ANKRD29: variants seen among roughly 807,000 people sequenced by gnomAD.
ANKRD29 encodes the protein ankyrin repeat domain 29, also known as ankyrin repeat domain-containing protein 29.
A neutral mutation model predicts 38.0 loss-of-function variants in ANKRD29; 32 were observed. That is an observed-to-expected ratio of 0.84 (90% CI 0.64 to 1.13). The LOEUF (loss-of-function observed/expected upper bound fraction) is 1.13. ANKRD29 is among the 50% of genes most tolerant of loss of function. ANKRD29 has a pLI of 0.00. For synonymous variants in ANKRD29, 135 were observed against 152.4 expected (o/e 0.89, Z 0.84); for missense variants, 357 against 377.9 (o/e 0.94, Z 0.46).
chr18:23,661,869 G>A (rs1254923856), intron 1 of ANKRD29, among the ~76,000 whole-genome samples: 4 of 152,018 alleles, frequency 2.6e-5, no homozygotes, highest in African/African-American at 4.8e-5. Context: ...TGCACATCTC[G>A]CCATGTCACT....
At chr18:23,641,636 G>A (rs537017927) in intron 3 of ANKRD29, among the ~76,000 whole-genome samples, 3 of 152,366 alleles carry the variant, frequency 2.0e-5, no homozygotes, top group Admixed American at 6.5e-5. Flanking sequence ...TGGGTGCCGT[G>A]GATGGCATGT....
At chr18:23,613,293 C>T (rs1035315668) in intron 8 of ANKRD29, among the ~76,000 whole-genome samples, 1 of 151,750 alleles carries the variant, frequency 6.6e-6, no homozygotes, top group South Asian at 2.1e-4. Flanking sequence ...GTGCCTCAGC[C>T]TCCTGAGTAG....
chr18:23,644,628 C>G (rs1318361267), intron 3 of ANKRD29, among the ~76,000 whole-genome samples: 1 of 152,212 alleles, frequency 6.6e-6, no homozygotes, highest in Non-Finnish European at 1.5e-5. Flanking sequence ...GACCCAGTCC[C>G]AGATTCTGCA....
chr18:23,619,147 T>C (rs952949322), intron 7 of ANKRD29, among the ~76,000 whole-genome samples: 2 of 151,708 alleles, frequency 1.3e-5, no homozygotes, highest in African/African-American at 4.8e-5. Flanking sequence ...GTGCAAGGGG[T>C]CTGCAGCTCC....
At chr18:23,606,511 A>C (rs1421774355) in intron 9 of ANKRD29, among the ~76,000 whole-genome samples, 1 of 152,014 alleles carries the variant, frequency 6.6e-6, no homozygotes, top group Non-Finnish European at 1.5e-5. Context: ...GGGTCTTGCT[A>C]TATTGCCCAG....
chr18:23,604,885 G>A (rs548584432), intron 9 of ANKRD29, among the ~76,000 whole-genome samples: 4 of 152,074 alleles, frequency 2.6e-5, no homozygotes, highest in Non-Finnish European at 4.4e-5. Flanking sequence ...AGTGCTGTAG[G>A]CATGTTTTCC....
intron 1 of ANKRD29, among the ~76,000 whole-genome samples, chr18:23,657,334 A>G (rs1193340280): frequency 1.3e-5 from 2 of 152,344 alleles, no homozygotes; most frequent in East Asian, 3.9e-4. Flanking sequence ...TTCCACAGCG[A>G]ATGGAGCCCA....
At chr18:23,620,440 A>G (rs2059782529) in intron 6 of ANKRD29, among the ~76,000 whole-genome samples, 1 of 152,086 alleles carries the variant, frequency 6.6e-6, no homozygotes, top group South Asian at 2.1e-4. Context: ...TAAAACATGC[A>G]AGGGATGGGG....
At chr18:23,643,617 C>T (rs1441679378) in intron 3 of ANKRD29, among the ~76,000 whole-genome samples, 1 of 152,174 alleles carries the variant, frequency 6.6e-6, no homozygotes, top group East Asian at 1.9e-4. Flanking sequence ...AGGAGCTATA[C>T]CTTAGTCTGG....
Position 23,649,067 on chromosome 18 carries a change from TACCGAAC to T in ANKRD29, c.132+9_132+15del, listed in dbSNP as rs2060177297. 6.2e-7 allele frequency: 1 copy of T among 1,610,394 alleles called. No individual in the cohort carries two copies. ...CAATGGTGCATGCTGGGCATGCATC[TACCGAAC>T]CACCGTACGCTGTCTCTGCAGTCCA... On this transcript the variant is annotated intron_variant, in intron 2 of 9. Coordinates refer to ENST00000592179, the MANE Select transcript of ANKRD29 (RefSeq NM_173505.4).
In ANKRD29 at chr18:23,654,198, G is replaced by A. The variant is rs187986564; in HGVS notation, c.22-5005C>T. On this transcript the variant is annotated intron_variant, in intron 1 of 9. Coordinates refer to ENST00000592179, the MANE Select transcript of ANKRD29 (RefSeq NM_173505.4). ...GGAGAATTGCTTGAATCCGGGAGGC[G>A]GAGGTTGCAGTGAGCCAAGATCATG... 1.2e-3 allele frequency among the ~76,000 whole-genome samples: 181 copies of A among 151,844 alleles called. No homozygotes were observed. The East Asian group carries it at 0.012, about 10-fold the overall frequency.
At chr18:23,634,889 G>A (rs2145697517) in intron 4 of ANKRD29, among the ~76,000 whole-genome samples, 1 of 152,340 alleles carries the variant, frequency 6.6e-6, no homozygotes, top group African/African-American at 2.4e-5. Flanking sequence ...TCCCTGTGAT[G>A]TAACCCAGTG....
At chr18:23,612,959 T>C (rs1178126540) in intron 8 of ANKRD29, among the ~76,000 whole-genome samples, 1 of 152,122 alleles carries the variant, frequency 6.6e-6, no homozygotes, top group African/African-American at 2.4e-5. Flanking sequence ...AATGCAAACT[T>C]AGTTTCCTAA....
rs185103969 is a variant in ANKRD29 at position 23,616,884 on chromosome 18, C to T, written c.723+848G>A. 3.8e-3 allele frequency among the ~76,000 whole-genome samples: 573 copies of T among 150,916 alleles called. 6 individuals are homozygous for T. Among genetic ancestry groups the T allele is most frequent in the Non-Finnish European group, 5.6e-3 (381 of 67,806 alleles). Reference sequence around the variant, plus strand: ...ACTTTACAGAAAAAGTTTGCTGACTCCTGATATATAATATAGGTTAGAAAT... The same window carrying T: ...ACTTTACAGAAAAAGTTTGCTGACTTCTGATATATAATATAGGTTAGAAAT... On this transcript the variant is annotated intron_variant, in intron 8 of 9. Transcript: ENST00000592179.
intron 1 of ANKRD29, among the ~76,000 whole-genome samples, chr18:23,649,708 C>T (rs1390519108): frequency 1.3e-5 from 2 of 152,076 alleles, no homozygotes; most frequent in East Asian, 1.9e-4. Flanking sequence ...TTCACTTTTC[C>T]TCCACCTAAT....
intron 9 of ANKRD29, among the ~76,000 whole-genome samples, chr18:23,604,733 G>A (rs1274480177): frequency 6.6e-6 from 1 of 151,996 alleles, no homozygotes; most frequent in Non-Finnish European, 1.5e-5. Context: ...GTTTCACCAT[G>A]TTGGCCAGGA....
chr18:23,659,938 C>T (rs2060336410), intron 1 of ANKRD29, among the ~76,000 whole-genome samples: 1 of 151,654 alleles, frequency 6.6e-6, no homozygotes, highest in South Asian at 2.1e-4. Context: ...TGGTGAAACC[C>T]CGTCTCTACT....
rs756524794 is a variant in ANKRD29 at position 23,619,511 on chromosome 18, C to T, written c.627+20G>A. ...GCGCCGGGAGGCTTCGCTCTTTGGC[C>T]GCGCGACTCGGGCACTCACGTTCCG... On this transcript the variant is annotated intron_variant, in intron 7 of 9. Transcript: ENST00000592179. The T allele has an allele frequency of 3.8e-6, 6 of 1,567,864 alleles. No homozygotes were observed. In the Admixed American group the frequency reaches 9.1e-5, roughly 24 times the overall value.
At chr18:23,621,707 C>A (rs2059799699) in intron 6 of ANKRD29, among the ~76,000 whole-genome samples, 1 of 152,074 alleles carries the variant, frequency 6.6e-6, no homozygotes, top group Non-Finnish European at 1.5e-5. Flanking sequence ...TGAGACAGGA[C>A]TCTGTTACCT....
Sources: allele counts gnomAD v4.1 joint callset (sites outside exome capture counted in the v4.1 genomes callset), GRCh38; gene constraint gnomAD v4.1.1; transcripts MANE v1.5; gene names NCBI Gene and HGNC (gene_info 2026-07-23, HGNC 2026-07-21).